PDE3B: variants seen among roughly 807,000 people sequenced by gnomAD.
The protein encoded by PDE3B is phosphodiesterase 3B.
PDE3B carries 66 observed loss-of-function variants against 116.8 expected under a neutral mutation model. The observed-to-expected ratio is 0.56, with a 90% confidence interval of 0.46 to 0.69. The LOEUF is 0.69. Ranked by LOEUF, PDE3B falls within the 30% of genes least tolerant of loss-of-function variation. The pLI is 0.00. For missense variants in PDE3B, 1,384 were observed against 1,368.1 expected (o/e 1.01, Z -0.18); for synonymous variants, 595 against 533.6 (o/e 1.12, Z -1.59).
intron 1 of PDE3B, among the ~76,000 whole-genome samples, chr11:14,756,378 C>T (rs953896271): frequency 3.3e-5 from 5 of 152,084 alleles, no homozygotes; most frequent in Non-Finnish European, 7.4e-5. Flanking sequence ...CTTTTGCCAT[C>T]GAAGCCTAAA....
chr11:14,728,897 TAGG>T (rs1590096534), intron 1 of PDE3B, among the ~76,000 whole-genome samples: 1 of 152,252 alleles, frequency 6.6e-6, no homozygotes, highest in African/African-American at 2.4e-5. Flanking sequence ...AAAGTAATTA[TAGG>T]AGGTCTTTTT....
intron 15 of PDE3B, 109 bp from the exon 16 acceptor site, chr11:14,869,352 T>C (rs1326114098): frequency 2.9e-6 from 2 of 687,844 alleles, no homozygotes; most frequent in African/African-American, 3.7e-5. Context: ...TATAGTACTG[T>C]TTACTTTTAT....
chr11:14,674,409 C>G, intron 1 of PDE3B: 1 of 664,620 alleles, frequency 1.5e-6, no homozygotes, highest in Non-Finnish European at 2.9e-6. Flanking sequence ...AATTTTTATT[C>G]CAACCACTGT....
intron 1 of PDE3B, among the ~76,000 whole-genome samples, chr11:14,665,678 T>C (rs886921998): frequency 6.6e-6 from 1 of 151,332 alleles, no homozygotes; most frequent in Non-Finnish European, 1.5e-5. Flanking sequence ...ATTGCTTCAT[T>C]CACAATTTGA....
In PDE3B at chr11:14,837,270, G is replaced by T. The variant is rs184630829; in HGVS notation, c.2320+2175G>T. Among the ~76,000 whole-genome samples the T allele has an allele frequency of 1.3e-4, 20 of 152,248 alleles. No individual in the cohort carries two copies. In the East Asian group the frequency reaches 3.9e-3, roughly 29 times the overall value. Reference sequence around the variant, plus strand: ...ACTGACAGTGACTCTCTTAATTTTAGTCTCTCTTGTAGTCTGGATAGGCTG... The same window carrying T: ...ACTGACAGTGACTCTCTTAATTTTATTCTCTCTTGTAGTCTGGATAGGCTG... On this transcript the variant is annotated intron_variant, in intron 11 of 15. Transcript: ENST00000282096.
At chr11:14,880,275 A>G in the PDE3B span, 1 of 1,613,180 alleles carries the variant, frequency 6.2e-7, no homozygotes, top group Non-Finnish European at 8.5e-7. Flanking sequence ...GGTCATTTTT[A>G]CCTTGATCCA....
At chr11:14,815,026 A>G (rs1233306863) in intron 5 of PDE3B, among the ~76,000 whole-genome samples, 1 of 150,228 alleles carries the variant, frequency 6.7e-6, no homozygotes, top group Non-Finnish European at 1.5e-5. Flanking sequence ...AATCCCAGCT[A>G]TTTGGGAGGC....
intron 2 of PDE3B, among the ~76,000 whole-genome samples, chr11:14,780,785 A>G (rs1857966421): frequency 6.6e-6 from 1 of 152,246 alleles, no homozygotes; most frequent in Non-Finnish European, 1.5e-5. Flanking sequence ...CACATTCAAA[A>G]GCTAGCAGAA....
At chr11:14,807,640 A>G (rs1029822131) in intron 5 of PDE3B, among the ~76,000 whole-genome samples, 6 of 152,250 alleles carry the variant, frequency 3.9e-5, no homozygotes, top group Admixed American at 3.3e-4. Flanking sequence ...AACACACTTT[A>G]TTACATTAAA....
intron 1 of PDE3B, among the ~76,000 whole-genome samples, chr11:14,683,627 G>T (rs1854779795): frequency 6.6e-6 from 1 of 151,684 alleles, no homozygotes; most frequent in African/African-American, 2.4e-5. Flanking sequence ...ACAAGATTTG[G>T]TTTCATTAAT....
chr11:14,833,420 A>T (rs1859960026), intron 10 of PDE3B, among the ~76,000 whole-genome samples: 1 of 152,170 alleles, frequency 6.6e-6, no homozygotes, highest in Non-Finnish European at 1.5e-5. Flanking sequence ...ATATTGATAC[A>T]TATTTATGAT....
rs1458727705 is a variant in PDE3B at position 14,644,338 on chromosome 11, T to C, written c.263T>C (p.Phe88Ser). The change falls in exon 1 of 16, where the codon TTT (phenylalanine) becomes TCT (serine). Residue 88 changes from phenylalanine (F) to serine (S), a missense_variant. Physicochemically the swap from Phe to Ser is radical, Grantham distance 155 (BLOSUM62 -2). Around this residue, in one of 2 missense-constraint regions of PDE3B, gnomAD observed 956 missense variants for 806.8 expected, o/e 1.18. Transcript: ENST00000282096. ...ARLSLGALAA[F>S]VLALLLGAEP... is the part of the protein sequence containing the mutation. ...CTCTCGCTGGGCGCCCTGGCTGCCTTTGTCCTCGCCCTGCTGCTGGGCGCG... is the reference window on the plus strand; with the variant it reads ...CTCTCGCTGGGCGCCCTGGCTGCCTCTGTCCTCGCCCTGCTGCTGGGCGCG... The C allele has an allele frequency of 3.2e-6, 5 of 1,582,070 alleles. 1 individual carries two copies. Among genetic ancestry groups the C allele is most frequent in the Middle Eastern group, 1.7e-4 (1 of 5,840 alleles).
chr11:14,857,997 T>A (rs1206025599), intron 12 of PDE3B, among the ~76,000 whole-genome samples: 1 of 152,230 alleles, frequency 6.6e-6, no homozygotes, highest in Admixed American at 6.5e-5. Flanking sequence ...ATGAAATGCC[T>A]TTATATGGCT....
In PDE3B at chr11:14,869,778, A is replaced by C; in HGVS notation, c.*118A>C. ...CTCAACTGACCATTCCCATGTGGAC[A>C]GGCCTTAATACTGTGAGAGGATCCT... On this transcript the variant is annotated 3_prime_UTR_variant, in exon 16 of 16. Coordinates refer to ENST00000282096, the MANE Select transcript of PDE3B (RefSeq NM_000922.4). The C allele has an allele frequency of 1.3e-6, 1 of 752,222 alleles. No individual in the cohort carries two copies. Among genetic ancestry groups the C allele is most frequent in the Non-Finnish European group, 2.2e-6 (1 of 462,168 alleles). The allele number at this position is 752,222 out of a possible 1,614,324, so 46.6% of individuals were successfully genotyped here.
intron 1 of PDE3B, among the ~76,000 whole-genome samples, chr11:14,771,604 G>A (rs945977189): frequency 4.0e-5 from 6 of 151,722 alleles, no homozygotes; most frequent in African/African-American, 1.4e-4. Flanking sequence ...TGGTGGGTAG[G>A]CAGAGAATAT....
intron 1 of PDE3B, 96 bp downstream of exon 1, chr11:14,645,149 C>T: frequency 3.2e-6 from 1 of 311,022 alleles, no homozygotes; most frequent in Non-Finnish European, 4.9e-6. Flanking sequence ...AGCATGTTAA[C>T]TTTCAGAATG....
Position 14,830,702 on chromosome 11 carries a change from A to G in PDE3B, c.1812A>G (p.Glu604=), listed in dbSNP as rs773719948. The change falls in exon 8 of 16, where the codon GAA becomes GAG. Residue 604 remains glutamate (E), a synonymous_variant. Coordinates refer to ENST00000282096, the MANE Select transcript of PDE3B (RefSeq NM_000922.4). ...GTDCCSGKSG[E]EENIFSKESF... ...ACTATATATATTTTTTGAAAGGTGA[A>G]GAAGAAAACATTTTCTCGAAAGAAT... 11 of 1,451,450 alleles carry G rather than the reference A, an allele frequency of 7.6e-6. No individual in the cohort carries two copies. In the Admixed American group the frequency reaches 2.5e-4, roughly 33 times the overall value. The allele number at this position is 1,451,450 out of a possible 1,614,324, so 89.9% of individuals were successfully genotyped here.
intron 1 of PDE3B, among the ~76,000 whole-genome samples, chr11:14,668,615 C>T (rs570122651): frequency 6.6e-6 from 1 of 152,114 alleles, no homozygotes; most frequent in East Asian, 1.9e-4. Flanking sequence ...GATATCCTAC[C>T]CATTTAATAG....
At chr11:14,869,316 A>G in intron 15 of PDE3B, 145 bp from the exon 16 acceptor site, 3 of 390,254 alleles carry the variant, frequency 7.7e-6, no homozygotes, top group Non-Finnish European at 8.7e-6. Context: ...CTATTTCATT[A>G]TATTATTTTT....
Sources: allele counts gnomAD v4.1 joint callset (sites outside exome capture counted in the v4.1 genomes callset), GRCh38; gene constraint gnomAD v4.1.1; regional missense constraint gnomAD v4.1.1; transcripts MANE v1.5; gene names NCBI Gene and HGNC (gene_info 2026-07-23, HGNC 2026-07-21).